SYT1: variants seen among roughly 807,000 people sequenced by gnomAD.
SYT1 encodes synaptotagmin-1.
In SYT1, 8 loss-of-function variants were observed where a neutral mutation model predicts 44.8. The observed-to-expected ratio is 0.18, with a 90% CI of 0.10 to 0.32. SYT1 has a LOEUF of 0.32. Ranked by LOEUF, SYT1 falls within the 10% of genes least tolerant of loss-of-function variation. SYT1 has a pLI of 1.00. For synonymous variants in SYT1, 154 were observed against 188.8 expected (o/e 0.82, Z 1.51); for missense variants, 286 against 509.3 (o/e 0.56, Z 4.22).
At chr12:79,014,042 T>C (rs527466949) in intron 2 of SYT1, among the ~76,000 whole-genome samples, 24 of 148,578 alleles carry the variant, frequency 1.6e-4, no homozygotes, top group African/African-American at 6.0e-4. Flanking sequence ...GGAGAATCGC[T>C]TGAACCCAGG....
intron 9 of SYT1, among the ~76,000 whole-genome samples, chr12:79,360,748 A>G (rs1184384812): frequency 1.3e-5 from 2 of 152,224 alleles, no homozygotes; most frequent in African/African-American, 4.8e-5. Flanking sequence ...ATTCTGGGAT[A>G]CTTCAAAATG....
rs185879165 is a variant in SYT1, at chr12:79,289,349, A to G, written c.352-2659A>G. Among the ~76,000 whole-genome samples, 292 of 152,328 alleles carry G rather than the reference A, an allele frequency of 1.9e-3. 1 individual carries two copies. Among genetic ancestry groups the G allele is most frequent in the African/African-American group, 6.6e-3 (273 of 41,562 alleles). On this transcript the variant is annotated intron_variant, in intron 5 of 10. Coordinates refer to ENST00000261205, the MANE Select transcript of SYT1 (RefSeq NM_005639.3). ...TGAAGAGGAAAATAGTGCTCTTGAGATATTATAATAGCTACTGATTTAATA... is the reference window on the plus strand; with the variant it reads ...TGAAGAGGAAAATAGTGCTCTTGAGGTATTATAATAGCTACTGATTTAATA...
chr12:79,395,540 G>A (rs769203837), intron 9 of SYT1, among the ~76,000 whole-genome samples: 22 of 151,826 alleles, frequency 1.4e-4, no homozygotes, highest in Admixed American at 3.3e-4. Flanking sequence ...CATTTATTAC[G>A]GATTTTGTTT....
intron 5 of SYT1, among the ~76,000 whole-genome samples, chr12:79,290,570 T>C (rs978151539): frequency 6.6e-6 from 1 of 152,188 alleles, no homozygotes; most frequent in Admixed American, 6.5e-5. Context: ...TTAGATTCAA[T>C]TTGAGAGCTA....
At position 79,087,354 on chromosome 12, in the gene SYT1, A is replaced by T. The variant is rs538503337; in HGVS notation, c.-18+39992A>T. Among the ~76,000 whole-genome samples, 4 of 152,260 alleles carry T rather than the reference A, an allele frequency of 2.6e-5. No individual in the cohort carries two copies. In the South Asian group the frequency reaches 6.2e-4, roughly 24 times the overall value. On this transcript the variant is annotated intron_variant, in intron 3 of 10. Transcript: ENST00000261205. ...TAATCTAAATAGGACATTTATTTGA[A>T]TTCTATCTCAGGAAACCAAATGAAC...
intron 2 of SYT1, among the ~76,000 whole-genome samples, chr12:79,044,581 C>T (rs1217571073): frequency 6.8e-6 from 1 of 146,080 alleles, no homozygotes; most frequent in Non-Finnish European, 1.5e-5. Flanking sequence ...GAATGTCCTC[C>T]CGTAGCTCAG....
intron 1 of SYT1, among the ~76,000 whole-genome samples, chr12:78,960,951 T>C (rs893005595): frequency 6.6e-6 from 1 of 152,166 alleles, no homozygotes; most frequent in Non-Finnish European, 1.5e-5. Flanking sequence ...TAGCCCAATA[T>C]GGCTCTGTCA....
rs147545321 is a variant in SYT1, at chr12:79,021,140, A to C, written c.-83-26157A>C. 4.5e-3 allele frequency among the ~76,000 whole-genome samples: 679 copies of C among 152,056 alleles called. 5 individuals are homozygous for C. The highest frequency in any genetic ancestry group is 0.015 in the African/African-American group (630 of 41,522). ...CAAAGCTCCATTCAGCTATAAAAAC[A>C]TCCTTGCAAATGTATGCAGGCACTC... On this transcript the variant is annotated intron_variant, in intron 2 of 10. Coordinates refer to ENST00000261205, the MANE Select transcript of SYT1 (RefSeq NM_005639.3).
chr12:79,028,233 C>T (rs1872643299), intron 2 of SYT1, among the ~76,000 whole-genome samples: 1 of 151,420 alleles, frequency 6.6e-6, no homozygotes, highest in African/African-American at 2.4e-5. Context: ...TTGTGTTCTA[C>T]TAACCCTGTC....
chr12:79,144,391 G>A (rs1047616471), intron 3 of SYT1, among the ~76,000 whole-genome samples: 3 of 152,162 alleles, frequency 2.0e-5, no homozygotes, highest in Admixed American at 6.5e-5. Flanking sequence ...TCAGTAAGAC[G>A]CTTCCTTTTT....
chr12:78,979,488 C>G lies in SYT1; in HGVS notation c.-84+1557C>G, dbSNP rs191176195. Reference sequence around the variant, plus strand: ...ACATATTAGGTGATTATAATGTAATCCAAAGTGAAATAACCACTGCTCTAC... The same window carrying G: ...ACATATTAGGTGATTATAATGTAATGCAAAGTGAAATAACCACTGCTCTAC... On this transcript the variant is annotated intron_variant, in intron 2 of 10. Transcript: ENST00000261205. Among the ~76,000 whole-genome samples the G allele has an allele frequency of 3.4e-4, 51 of 152,052 alleles. 2 individuals are homozygous for G. The highest frequency in any genetic ancestry group is 2.9e-3 in the Admixed American group (44 of 15,262).
At chr12:79,398,784 A>G (rs1299544530) in intron 9 of SYT1, among the ~76,000 whole-genome samples, 1 of 152,226 alleles carries the variant, frequency 6.6e-6, no homozygotes, top group Non-Finnish European at 1.5e-5. Flanking sequence ...TGATTGTAAT[A>G]TATAAAATGG....
intron 2 of SYT1, among the ~76,000 whole-genome samples, chr12:79,006,510 G>GATA (rs772736652): frequency 1.1e-4 from 16 of 151,972 alleles, no homozygotes; most frequent in Non-Finnish European, 2.1e-4. Context: ...TGATGATGAT[G>GATA]ATATATATTT....
chr12:78,974,443 T>G (rs1021568662), intron 1 of SYT1, among the ~76,000 whole-genome samples: 2 of 152,024 alleles, frequency 1.3e-5, no homozygotes, highest in East Asian at 3.8e-4. Flanking sequence ...TATTTATTTA[T>G]CTATTTATTT....
At chr12:79,082,993 C>A (rs1877138459) in intron 3 of SYT1, among the ~76,000 whole-genome samples, 2 of 147,582 alleles carry the variant, frequency 1.4e-5, no homozygotes, top group African/African-American at 2.5e-5. Context: ...AAGATAACTC[C>A]AAGAGGATTA....
At chr12:78,972,849 C>G (rs535822213) in intron 1 of SYT1, among the ~76,000 whole-genome samples, 1 of 152,034 alleles carries the variant, frequency 6.6e-6, no homozygotes, top group African/African-American at 2.4e-5. Flanking sequence ...GGGTGCCAGA[C>G]AGTCTGCTAT....
At chr12:79,123,309 ATGTGTGTGTGTGTGTG>A (rs66869713) in intron 3 of SYT1, among the ~76,000 whole-genome samples, 49 of 141,632 alleles carry the variant, frequency 3.5e-4, no homozygotes, top group African/African-American at 9.1e-4. Context: ...TAAAAATGCA[ATGTGTGTGTGTGTGTG>A]TGTGTGTGTG....
At chr12:79,279,190 G>C (rs534287072) in intron 4 of SYT1, among the ~76,000 whole-genome samples, 2 of 151,770 alleles carry the variant, frequency 1.3e-5, no homozygotes, top group East Asian at 3.9e-4. Flanking sequence ...AACCAAGCCA[G>C]AAAAGGACAC....
intron 3 of SYT1, among the ~76,000 whole-genome samples, chr12:79,069,664 A>G (rs1876129323): frequency 6.6e-6 from 1 of 152,098 alleles, no homozygotes; most frequent in Non-Finnish European, 1.5e-5. Context: ...TTGATAGAAA[A>G]ATACTCGTGT....
Sources: allele counts gnomAD v4.1 joint callset (sites outside exome capture counted in the v4.1 genomes callset), GRCh38; gene constraint gnomAD v4.1.1; transcripts MANE v1.5; gene names NCBI Gene and HGNC (gene_info 2026-07-23, HGNC 2026-07-21).